Variants in IFT122 observed in about 807,000 individuals in gnomAD.
IFT122 encodes intraflagellar transport protein 122 homolog.
IFT122 carries 118 observed loss-of-function variants against 161.6 expected under a neutral mutation model. That is an observed-to-expected ratio of 0.73 (90% CI 0.63 to 0.85). IFT122 has a LOEUF of 0.85. Among genes scored for constraint, IFT122 ranks in the 40% least tolerant of loss-of-function variants. The pLI, the probability that IFT122 is intolerant of heterozygous loss-of-function variation, is 0.00. For missense variants in IFT122, 1,381 were observed against 1,579.6 expected, an observed-to-expected ratio of 0.87 and a Z score of 2.13; for synonymous variants, 550 against 602.4, an observed-to-expected ratio of 0.91 and a Z score of 1.27.
At chr3:129,462,897 C>G (rs2076339035) in intron 5 of IFT122, among the ~76,000 whole-genome samples, 1 of 152,086 alleles carries the variant, frequency 6.6e-6, no homozygotes, top group Non-Finnish European at 1.5e-5. Context: ...GTGATTGAGA[C>G]CTATGAAAGA....
In IFT122 at chr3:129,463,618, C is replaced by G. The variant is rs2076406718; in HGVS notation, c.408C>G (p.Ile136Met). Residue 136 changes from isoleucine (I) to methionine (M), a missense_variant, in exon 6 of 30, where the codon ATC becomes ATG. Ile to Met is a conservative substitution (Grantham distance 10). Transcript: ENST00000348417. ...AACACAAATCAAGCAGCAAGATCAT[C>G]TGCTGCAGGTAAGTGCAGCTCTGAC... is the stretch of plus-strand genomic sequence containing the variant. ...VSKHKSSSKI[I>M]CCSWTNDGQY... is the part of the protein sequence containing the mutation. 4.3e-6 allele frequency: 7 copies of G among 1,612,642 alleles called. No individual in the cohort carries two copies. The highest frequency in any genetic ancestry group is 5.9e-6 in the Non-Finnish European group (7 of 1,178,744).
chr3:129,465,818 A>C lies in IFT122; in HGVS notation c.563+1037A>C, dbSNP rs2076707956. 1.6e-5 allele frequency among the ~76,000 whole-genome samples: 2 copies of C among 128,280 alleles called. 1 individual carries two copies. Among genetic ancestry groups the C allele is most frequent in the South Asian group, 5.4e-4 (2 of 3,716 alleles). 84.2% of individuals were successfully genotyped at this position (128,280 alleles called of 152,430 possible). On this transcript the variant is annotated intron_variant, in intron 7 of 29. Transcript: ENST00000348417. ...CCACCGCGCCCGGCTAATTTTTTGTATTTTTAGTAGAGACGGGGTTTCACC... is the reference window on the plus strand; with the variant it reads ...CCACCGCGCCCGGCTAATTTTTTGTCTTTTTAGTAGAGACGGGGTTTCACC...
chr3:129,460,509 C>T (rs916471062), intron 4 of IFT122, among the ~76,000 whole-genome samples: 8 of 151,978 alleles, frequency 5.3e-5, no homozygotes, highest in Admixed American at 5.2e-4. Context: ...ATCCTTCTCC[C>T]TTGGCCGCCC....
Position 129,469,364 on chromosome 3 carries a change from G to T in IFT122, c.763G>T (p.Ala255Ser), listed in dbSNP as rs770441242. Residue 255 changes from alanine (A) to serine (S), a missense_variant, in exon 9 of 30, where the codon GCT becomes TCT. Physicochemically the swap from Ala to Ser is moderately conservative, Grantham distance 99 (BLOSUM62 1). This residue lies in a region of IFT122 where 544 missense variants were observed against 648.0 expected (regional missense o/e 0.84). Coordinates refer to ENST00000348417, the MANE Select transcript of IFT122 (RefSeq NM_052989.3). ...TAGAGAGGAACGTAATGACATCCTG[G>T]CTGTGGCTGACTGGGGACAGAAAGT... ...DNLEERNDILAVADWGQKVSF... is the reference protein window; with the variant it reads ...DNLEERNDILSVADWGQKVSF... 1 of 1,614,028 alleles carries T rather than the reference G, an allele frequency of 6.2e-7. No individual in the cohort carries two copies. The highest frequency in any genetic ancestry group is 1.1e-5 in the South Asian group (1 of 91,066).
Position 129,514,418 on chromosome 3 carries a change from G to T in IFT122, c.3017G>T (p.Ser1006Ile), listed in dbSNP as rs1486124534. 6.2e-7 allele frequency: 1 copy of T among 1,614,148 alleles called. No individual in the cohort carries two copies. The highest frequency in any genetic ancestry group is 2.2e-5 in the East Asian group (1 of 44,864). ...VKILFTLAKQ[S>I]KALGAYRLAR... ...ATACTCTTCACCTTGGCCAAGCAGA[G>T]CAAGGCCCTCGGTGCCTACAGGCTG... Residue 1006 changes from serine (S) to isoleucine (I), a missense_variant, in exon 25 of 30, where the codon AGC becomes ATC. This residue lies in a region of IFT122 where 496 missense variants were observed against 502.5 expected (regional missense o/e 0.99). Transcript: ENST00000348417.
In IFT122 at chr3:129,517,506, G is replaced by A. The variant is rs111668739; in HGVS notation, c.3303G>A (p.Gly1101=). 2 of 1,613,872 alleles carry A rather than the reference G, an allele frequency of 1.2e-6. No homozygotes were observed. The highest frequency in any genetic ancestry group is 1.3e-5 in the African/African-American group (1 of 74,918). ...LHLVEFYLEE[G]ITDEEAISLI... ...TGGTTGAGTTCTACCTGGAGGAAGG[G>A]ATCACTGATGAAGAAGCCATCTCCC... Residue 1101 remains glycine, a synonymous_variant, in exon 27 of 30, where the codon GGG becomes GGA. Coordinates refer to ENST00000348417, the MANE Select transcript of IFT122 (RefSeq NM_052989.3).
intron 8 of IFT122, 77 bp from the exon 9 acceptor site, chr3:129,469,265 T>C: frequency 7.9e-7 from 1 of 1,271,816 alleles, no homozygotes; most frequent in Non-Finnish European, 1.1e-6. Flanking sequence ...TCCTTGTTCC[T>C]GTTGTTTAAG....
Position 129,476,813 on chromosome 3 carries a change from G to T in IFT122, c.1147+12G>T, listed in dbSNP as rs1404192069. The T allele has an allele frequency of 1.2e-6, 2 of 1,614,118 alleles. No individual in the cohort carries two copies. Among genetic ancestry groups the T allele is most frequent in the Admixed American group, 1.7e-5 (1 of 60,034 alleles). Reference sequence around the variant, plus strand: ...CACTGAGCAGAAAGGTAAGAGGCAGGTCCAGACCTTGGGAAGAGGGACAGG... The same window carrying T: ...CACTGAGCAGAAAGGTAAGAGGCAGTTCCAGACCTTGGGAAGAGGGACAGG... On this transcript the variant is annotated intron_variant, in intron 11 of 29. Transcript: ENST00000348417.
chr3:129,519,153 T>A lies in IFT122; in HGVS notation c.3438T>A (p.Asp1146Glu). The change falls in exon 28 of 30, where the codon GAT (aspartate) becomes GAA (glutamate). Residue 1146 changes from aspartate (D) to glutamate (E), a missense_variant. Physicochemically the swap from Asp to Glu is conservative, Grantham distance 45. This residue lies in a region of IFT122 where 177 missense variants were observed against 199.2 expected (regional missense o/e 0.89). Coordinates refer to ENST00000348417, the MANE Select transcript of IFT122 (RefSeq NM_052989.3). ...RLVETKDSIGDEDPFTAKLSF... is the reference protein window; with the variant it reads ...RLVETKDSIGEEDPFTAKLSF... ...TGGAGACCAAGGACTCCATCGGAGA[T>A]GAGGACCCGTTCACAGCTAAGCTGA... The A allele has an allele frequency of 6.2e-7, 1 of 1,614,136 alleles. No individual in the cohort carries two copies. The highest frequency in any genetic ancestry group is 8.5e-7 in the Non-Finnish European group (1 of 1,180,008).
intron 2 of IFT122, among the ~76,000 whole-genome samples, chr3:129,450,255 A>G (rs550239047): frequency 3.0e-4 from 46 of 152,334 alleles, no homozygotes; most frequent in African/African-American, 1.0e-3. Flanking sequence ...TGTCCCCCAG[A>G]AAAATTCAAG....
At chr3:129,444,080 G>A (rs1222436395) in intron 1 of IFT122, among the ~76,000 whole-genome samples, 1 of 152,176 alleles carries the variant, frequency 6.6e-6, no homozygotes. Flanking sequence ...CAAGTGTCAG[G>A]CGCTTTGGAT....
chr3:129,510,307 G>A (rs780141465), intron 23 of IFT122, among the ~76,000 whole-genome samples: 31 of 152,282 alleles, frequency 2.0e-4, no homozygotes, highest in Admixed American at 3.9e-4. Context: ...TGACTTCTCA[G>A]CACATTTTTT....
chr3:129,485,392 C>A (rs1047320478), intron 15 of IFT122, among the ~76,000 whole-genome samples: 2 of 152,144 alleles, frequency 1.3e-5, no homozygotes, highest in African/African-American at 4.8e-5. Flanking sequence ...GGGGAAATGC[C>A]CATCATCCAT....
intron 5 of IFT122, chr3:129,463,276 C>G: frequency 2.5e-6 from 1 of 402,292 alleles, no homozygotes; most frequent in Non-Finnish European, 4.7e-6. Context: ...ACTAAGCCAT[C>G]ACCATGCAGT....
Position 129,478,195 on chromosome 3 carries a change from G to C in IFT122, c.1327G>C (p.Ala443Pro). The change falls in exon 12 of 30, where the codon GCC (alanine) becomes CCC (proline). Residue 443 changes from alanine to proline, a missense_variant. Physicochemically the swap from Ala to Pro is conservative, Grantham distance 27. Coordinates refer to ENST00000348417, the MANE Select transcript of IFT122 (RefSeq NM_052989.3). ...KFECNLLVVC[A>P]NHIILCQEKR... Reference sequence around the variant, plus strand: ...TGAGTGCAACCTCCTGGTGGTGTGTGCCAATCACATCATCCTGTGCCAGGT... The same window carrying C: ...TGAGTGCAACCTCCTGGTGGTGTGTCCCAATCACATCATCCTGTGCCAGGT... 1 of 1,614,170 alleles carries C rather than the reference G, an allele frequency of 6.2e-7. No individual in the cohort carries two copies. Among genetic ancestry groups the C allele is most frequent in the Non-Finnish European group, 8.5e-7 (1 of 1,180,004 alleles).
At chr3:129,457,429 G>A (rs1417589280) in intron 3 of IFT122, among the ~76,000 whole-genome samples, 10 of 152,174 alleles carry the variant, frequency 6.6e-5, no homozygotes, top group African/African-American at 2.4e-4. Flanking sequence ...GTTCCATGAT[G>A]ACTCCGCTCA....
At chr3:129,446,633 TA>T (rs1266659380) in intron 1 of IFT122, among the ~76,000 whole-genome samples, 1 of 152,324 alleles carries the variant, frequency 6.6e-6, no homozygotes, top group East Asian at 1.9e-4. Context: ...ATGCATTTCT[TA>T]AATGTATTTG....
At chr3:129,466,833 A>T in intron 7 of IFT122, 57 bp from the exon 8 acceptor site, 1 of 1,539,510 alleles carries the variant, frequency 6.5e-7, no homozygotes, top group Non-Finnish European at 9.0e-7. Flanking sequence ...ATTTTAAATT[A>T]TAGTTTTAGT....
intron 3 of IFT122, among the ~76,000 whole-genome samples, chr3:129,455,407 G>A (rs563507667): frequency 6.6e-6 from 1 of 151,942 alleles, no homozygotes; most frequent in Non-Finnish European, 1.5e-5. Context: ...TCCTGACCTC[G>A]TGATCCGCCC....
Sources: gnomAD v4.1 joint callset for allele counts (sites outside exome capture counted in the v4.1 genomes callset) on GRCh38, gnomAD v4.1.1 for gene constraint, gnomAD v4.1.1 regional missense constraint, MANE v1.5 for transcripts, NCBI Gene and HGNC (gene_info 2026-07-23, HGNC 2026-07-21) for gene names.